Variants in MACROD2 observed in about 807,000 individuals in gnomAD.
MACROD2 encodes ADP-ribose glycohydrolase MACROD2.
MACROD2 carries 36 observed loss-of-function variants against 70.4 expected under a neutral mutation model. The ratio of observed to expected loss-of-function variants is 0.51; its 90% CI spans 0.39 to 0.68. The LOEUF is 0.68. Among genes scored for constraint, MACROD2 ranks in the 30% least tolerant of loss-of-function variants. The pLI is 0.00. For missense variants in MACROD2, 496 were observed against 538.4 expected (o/e 0.92, Z 0.78); for synonymous variants, 172 against 178.8 (o/e 0.96, Z 0.30).
At chr20:14,271,569 C>T (rs1197437040) in intron 3 of MACROD2, among the ~76,000 whole-genome samples, 2 of 152,130 alleles carry the variant, frequency 1.3e-5, no homozygotes, top group African/African-American at 4.8e-5. Flanking sequence ...AAACTGGAAA[C>T]TCTAAAAAAC....
intron 5 of MACROD2, among the ~76,000 whole-genome samples, chr20:15,157,335 A>G (rs1345412275): frequency 6.7e-6 from 1 of 148,596 alleles, no homozygotes; most frequent in Non-Finnish European, 1.5e-5. Flanking sequence ...GACCTCATCT[A>G]AATCTAATTA....
intron 6 of MACROD2, among the ~76,000 whole-genome samples, chr20:15,267,244 A>G (rs1370604617): frequency 1.3e-5 from 2 of 152,096 alleles, no homozygotes; most frequent in African/African-American, 4.8e-5. Flanking sequence ...TCTCCAGAAG[A>G]CTTTCCCAAG....
chr20:14,487,220 T>C (rs546160245), intron 3 of MACROD2, among the ~76,000 whole-genome samples: 17 of 152,302 alleles, frequency 1.1e-4, no homozygotes, highest in Admixed American at 3.3e-4. Flanking sequence ...AGCTGACATT[T>C]ACTGACCCTT....
At chr20:14,220,125 G>C (rs892509440) in intron 3 of MACROD2, among the ~76,000 whole-genome samples, 8 of 152,118 alleles carry the variant, frequency 5.3e-5, no homozygotes, top group Non-Finnish European at 5.9e-5. Flanking sequence ...CCACTACCAG[G>C]GTGGGTAGGA....
intron 7 of MACROD2, among the ~76,000 whole-genome samples, chr20:15,469,766 C>G (rs2046941121): frequency 6.6e-6 from 1 of 152,094 alleles, no homozygotes; most frequent in South Asian, 2.1e-4. Context: ...GCAAATGGCC[C>G]CAGACACCTC....
At chr20:14,634,810 T>G (rs2123479360) in intron 4 of MACROD2, among the ~76,000 whole-genome samples, 1 of 152,314 alleles carries the variant, frequency 6.6e-6, no homozygotes, top group Admixed American at 6.5e-5. Context: ...AAATTATGTG[T>G]TTGCCAGAGT....
intron 10 of MACROD2, among the ~76,000 whole-genome samples, chr20:15,913,475 T>C (rs6110827): frequency 6.6e-6 from 1 of 151,980 alleles, no homozygotes; most frequent in Non-Finnish European, 1.5e-5. Context: ...CTGCAATTAT[T>C]TTTTCAAGAG....
chr20:14,906,128 A>G (rs1293685196), intron 5 of MACROD2: 1 of 152,208 alleles, frequency 6.6e-6, no homozygotes, highest in Non-Finnish European at 1.5e-5. Flanking sequence ...ATTCTTCACT[A>G]TAAAGTATAA....
At chr20:14,290,881 G>A (rs564552726) in intron 3 of MACROD2, among the ~76,000 whole-genome samples, 4 of 152,312 alleles carry the variant, frequency 2.6e-5, no homozygotes, top group African/African-American at 9.6e-5. Flanking sequence ...TCTAAAGCAG[G>A]TGTGTCTTGT....
At chr20:16,001,500 C>A (rs530828756) in intron 15 of MACROD2, among the ~76,000 whole-genome samples, 2 of 152,258 alleles carry the variant, frequency 1.3e-5, no homozygotes, top group South Asian at 4.1e-4. Context: ...CGTTTCTAAC[C>A]AATAATATCA....
intron 6 of MACROD2, among the ~76,000 whole-genome samples, chr20:15,427,871 C>T (rs1239364697): frequency 1.3e-5 from 2 of 152,068 alleles, no homozygotes; most frequent in African/African-American, 2.4e-5. Context: ...ATTTTTTCCC[C>T]CTGGGAACAT....
intron 15 of MACROD2, among the ~76,000 whole-genome samples, chr20:16,037,272 C>T (rs1039146654): frequency 1.3e-5 from 2 of 151,958 alleles, no homozygotes; most frequent in African/African-American, 4.8e-5. Context: ...TTGTACCCTC[C>T]CTTATTTCAC....
At chr20:14,325,683 C>T (rs1228611015) in intron 3 of MACROD2, 2 of 1,613,874 alleles carry the variant, frequency 1.2e-6, no homozygotes, top group African/African-American at 1.3e-5. Context: ...GTATTACAAA[C>T]TCCTCCTTCG....
At chr20:14,659,136 C>A (rs886575893) in intron 4 of MACROD2, among the ~76,000 whole-genome samples, 7 of 152,076 alleles carry the variant, frequency 4.6e-5, no homozygotes, top group Non-Finnish European at 8.8e-5. Flanking sequence ...CAAAGCCTTA[C>A]AATAACTAGC....
intron 2 of MACROD2, among the ~76,000 whole-genome samples, chr20:14,059,323 A>G (rs937191773): frequency 1.3e-5 from 2 of 152,154 alleles, no homozygotes; most frequent in Admixed American, 1.3e-4. Flanking sequence ...ATCATTATTC[A>G]CTCAAAAATT....
chr20:14,620,806 C>T (rs1983784749), intron 4 of MACROD2, among the ~76,000 whole-genome samples: 1 of 152,218 alleles, frequency 6.6e-6, no homozygotes. Context: ...TACACACTGT[C>T]TTTCCTTTCT....
chr20:14,642,988 T>A (rs1985179280), intron 4 of MACROD2, among the ~76,000 whole-genome samples: 1 of 152,116 alleles, frequency 6.6e-6, no homozygotes, highest in Admixed American at 6.6e-5. Context: ...AAGCTATGCC[T>A]GTATTTAAAA....
chr20:15,137,769 A>AC (rs926584487), intron 5 of MACROD2, among the ~76,000 whole-genome samples: 1 of 152,184 alleles, frequency 6.6e-6, no homozygotes, highest in Non-Finnish European at 1.5e-5. Flanking sequence ...GTTTTTAAAA[A>AC]TATGCACATT....
At chr20:15,578,889 A>G (rs554234337) in intron 8 of MACROD2, among the ~76,000 whole-genome samples, 1 of 152,360 alleles carries the variant, frequency 6.6e-6, no homozygotes, top group South Asian at 2.1e-4. Context: ...CCTGGCATAT[A>G]GTAACATAGA....
Sources: allele counts gnomAD v4.1 joint callset (sites outside exome capture counted in the v4.1 genomes callset), GRCh38; gene constraint gnomAD v4.1.1; transcripts MANE v1.5; gene names NCBI Gene and HGNC (gene_info 2026-07-23, HGNC 2026-07-21).